CHN2: variants seen among roughly 807,000 people sequenced by gnomAD.
CHN2 encodes beta-chimaerin.
In CHN2, 35 loss-of-function variants were observed where a neutral mutation model predicts 56.3. The ratio of observed to expected loss-of-function variants is 0.62; its 90% CI spans 0.47 to 0.82. The LOEUF is 0.82. CHN2 is among the 40% of genes least tolerant of loss of function. CHN2 has a pLI of 0.00. For synonymous variants in CHN2, 210 were observed against 212.8 expected, an observed-to-expected ratio of 0.99 and a Z score of 0.12; for missense variants, 491 against 580.5, an observed-to-expected ratio of 0.85 and a Z score of 1.58.
At chr7:29,238,875 G>T (rs969987331) in intron 1 of CHN2, among the ~76,000 whole-genome samples, 12 of 152,226 alleles carry the variant, frequency 7.9e-5, no homozygotes, top group Non-Finnish European at 1.6e-4. Context: ...GAGCCAGAGT[G>T]GCTGGAGAAA....
At chr7:29,366,118 T>A (rs1389159419) in intron 2 of CHN2, among the ~76,000 whole-genome samples, 1 of 152,194 alleles carries the variant, frequency 6.6e-6, no homozygotes, top group Non-Finnish European at 1.5e-5. Context: ...GTTCAACTTT[T>A]GACATGTTGA....
At chr7:29,433,496 C>T (rs565204045) in intron 6 of CHN2, among the ~76,000 whole-genome samples, 14 of 152,186 alleles carry the variant, frequency 9.2e-5, no homozygotes, top group African/African-American at 3.4e-4. Flanking sequence ...AGGAATAAAC[C>T]AGAAGTGTCG....
chr7:29,357,207 T>C (rs1228497860), intron 2 of CHN2, among the ~76,000 whole-genome samples: 15 of 152,250 alleles, frequency 9.9e-5, no homozygotes, highest in Admixed American at 9.8e-4. Context: ...AAATTTGCTC[T>C]ATAATCATAA....
chr7:29,252,187 ATT>A (rs3046893), intron 1 of CHN2, among the ~76,000 whole-genome samples: 4 of 113,930 alleles, frequency 3.5e-5, no homozygotes, highest in South Asian at 2.9e-4. Flanking sequence ...ATTATACAGG[ATT>A]TTTTTTTTTT....
At chr7:29,463,874 C>G (rs966457669) in intron 6 of CHN2, among the ~76,000 whole-genome samples, 6 of 152,212 alleles carry the variant, frequency 3.9e-5, no homozygotes, top group African/African-American at 1.4e-4. Context: ...CCCTGCCTGC[C>G]TGCCTGGCAC....
intron 6 of CHN2, among the ~76,000 whole-genome samples, chr7:29,428,592 A>T (rs1418161601): frequency 6.6e-6 from 1 of 152,144 alleles, no homozygotes; most frequent in Non-Finnish European, 1.5e-5. Flanking sequence ...CCAACACAAC[A>T]AGTGAAATAT....
At chr7:29,450,059 G>A (rs1008130464) in intron 6 of CHN2, among the ~76,000 whole-genome samples, 1 of 152,174 alleles carries the variant, frequency 6.6e-6, no homozygotes, top group African/African-American at 2.4e-5. Context: ...AATTCAGGGT[G>A]TGTATTTCAC....
At chr7:29,349,795 C>T (rs887289772) in intron 1 of CHN2, among the ~76,000 whole-genome samples, 1 of 152,118 alleles carries the variant, frequency 6.6e-6, no homozygotes, top group African/African-American at 2.4e-5. Flanking sequence ...CTGTCTTCTG[C>T]GTTCAAGGAT....
intron 1 of CHN2, among the ~76,000 whole-genome samples, chr7:29,258,930 A>T (rs951329045): frequency 1.3e-5 from 2 of 152,134 alleles, no homozygotes; most frequent in African/African-American, 2.4e-5. Context: ...CCATTATTGT[A>T]ATCCCAAAAG....
chr7:29,168,526 T>C, intron 2 of CHN2, among the ~76,000 whole-genome samples: 1 of 152,222 alleles, frequency 6.6e-6, no homozygotes, highest in East Asian at 1.9e-4. Context: ...TGGATTATTT[T>C]GAAGAAAATG....
intron 1 of CHN2, among the ~76,000 whole-genome samples, chr7:29,221,362 C>T (rs971845261): frequency 6.6e-6 from 1 of 152,146 alleles, no homozygotes; most frequent in African/African-American, 2.4e-5. Flanking sequence ...AAAATCAAGT[C>T]TCTTTATACT....
At chr7:29,189,201 C>T (rs543361094) in intron 2 of CHN2, among the ~76,000 whole-genome samples, 1 of 152,238 alleles carries the variant, frequency 6.6e-6, no homozygotes, top group Admixed American at 6.5e-5. Context: ...TCTGCCCAAC[C>T]TCAGCCTCCC....
At chr7:29,406,293 T>A (rs1343052452) in intron 6 of CHN2, among the ~76,000 whole-genome samples, 1 of 152,078 alleles carries the variant, frequency 6.6e-6, no homozygotes. Flanking sequence ...GGAGAGAGGC[T>A]GGTATATGCA....
chr7:29,184,286 ATATT>A (rs1045787864), intron 2 of CHN2: 6 of 150,986 alleles, frequency 4.0e-5, no homozygotes, highest in African/African-American at 7.3e-5. Context: ...TATGATATAT[ATATT>A]TAGGAATATT....
chr7:29,255,944 G>C (rs747846541), intron 1 of CHN2, among the ~76,000 whole-genome samples: 11 of 152,172 alleles, frequency 7.2e-5, no homozygotes, highest in Non-Finnish European at 1.5e-4. Context: ...AAGTTACCAA[G>C]CCTCTTACTG....
rs180961939 is a variant in CHN2, at chr7:29,159,800, T to C, written c.274+12840T>C. ...TTACTATGTAATTCACTCATTCTTA[T>C]GCTAGAAAATAAGCCATGAAAACAG... On this transcript the variant is annotated intron_variant, in intron 2 of 6. Transcript: ENST00000439384. Among the ~76,000 whole-genome samples, 211 of 152,322 alleles carry C rather than the reference T, an allele frequency of 1.4e-3. 2 individuals are homozygous for C. The highest frequency in any genetic ancestry group is 2.3e-3 in the Non-Finnish European group (159 of 68,032).
chr7:29,291,363 TCTCCTGACATTCCCGG>T (rs1452537311), intron 1 of CHN2, among the ~76,000 whole-genome samples: 2 of 152,206 alleles, frequency 1.3e-5, no homozygotes, highest in South Asian at 4.1e-4. Flanking sequence ...CACCTGATGG[TCTCCTGACATTCCCGG>T]TTGGTGGTGG....
intron 1 of CHN2, among the ~76,000 whole-genome samples, chr7:29,254,278 AG>A (rs1788886142): frequency 6.6e-6 from 1 of 152,216 alleles, no homozygotes; most frequent in African/African-American, 2.4e-5. Flanking sequence ...TGGTCATCTC[AG>A]CACCTGGTAC....
At chr7:29,162,084 A>C (rs1795248700) in intron 2 of CHN2, among the ~76,000 whole-genome samples, 1 of 152,228 alleles carries the variant, frequency 6.6e-6, no homozygotes, top group African/African-American at 2.4e-5. Context: ...GGCAATGTTA[A>C]ACAGTACAGC....
Sources: allele counts gnomAD v4.1 joint callset (sites outside exome capture counted in the v4.1 genomes callset), GRCh38; gene constraint gnomAD v4.1.1; transcripts MANE v1.5; gene names NCBI Gene and HGNC (gene_info 2026-07-23, HGNC 2026-07-21).